TBC1D10A: variants seen among roughly 807,000 people sequenced by gnomAD.
TBC1D10A encodes TBC1 domain family member 10A.
In TBC1D10A, 24 loss-of-function variants were observed where a neutral mutation model predicts 52.9. The observed-to-expected ratio is 0.45, with a 90% confidence interval of 0.33 to 0.64. The LOEUF is 0.64. TBC1D10A is among the 30% of genes least tolerant of loss of function. The pLI is 0.02. For missense variants in TBC1D10A, 602 were observed against 687.9 expected, an observed-to-expected ratio of 0.88 and a Z score of 1.40; for synonymous variants, 278 against 282.9, an observed-to-expected ratio of 0.98 and a Z score of 0.17.
chr22:30,292,650 G>C lies in TBC1D10A; in HGVS notation c.1252C>G (p.Leu418Val). 3.1e-6 allele frequency: 5 copies of C among 1,611,194 alleles called. No individual in the cohort carries two copies. The highest frequency in any genetic ancestry group is 4.2e-6 in the Non-Finnish European group (5 of 1,178,668). Reference sequence around the variant, plus strand: ...TTGGGCTTGGCTTTGGAGCCAGGGAGGGGGGCATCTAGGGGCAGGCGGATG... The same window carrying C: ...TTGGGCTTGGCTTTGGAGCCAGGGACGGGGGCATCTAGGGGCAGGCGGATG... ...PSIRLPLDAP[L>V]PGSKAKPKPP... is the part of the protein sequence containing the mutation. Residue 418 changes from leucine to valine, a missense_variant, in exon 9 of 9, where the codon CTC (leucine) becomes GTC (valine). Coordinates refer to ENST00000215790, the MANE Select transcript of TBC1D10A (RefSeq NM_031937.3).
At chr22:30,307,000 T>G (rs1930322591) in intron 1 of TBC1D10A, among the ~76,000 whole-genome samples, 1 of 152,362 alleles carries the variant, frequency 6.6e-6, no homozygotes, top group African/African-American at 2.4e-5. Context: ...CTTTCTACAT[T>G]AGGCAAGTCC....
chr22:30,316,501 G>A (rs1198761482), intron 1 of TBC1D10A, among the ~76,000 whole-genome samples: 4 of 151,002 alleles, frequency 2.6e-5, no homozygotes, highest in Non-Finnish European at 5.9e-5. Flanking sequence ...TGCCCAGGCT[G>A]GAGTGCAGTA....
At chr22:30,306,658 T>C (rs751335512) in intron 1 of TBC1D10A, among the ~76,000 whole-genome samples, 30 of 152,266 alleles carry the variant, frequency 2.0e-4, no homozygotes, top group Non-Finnish European at 4.3e-4. Flanking sequence ...TGCATGTCAA[T>C]TGAAAGATCT....
At chr22:30,314,593 TGAGGCCAGGAGTTTGA>T (rs1000012631) in intron 1 of TBC1D10A, among the ~76,000 whole-genome samples, 129 of 152,160 alleles carry the variant, frequency 8.5e-4, no homozygotes, top group African/African-American at 2.9e-3. Context: ...GAGGATTGCT[TGAGGCCAGGAGTTTGA>T]GACCAGCCTG....
At chr22:30,295,080 T>A (rs763258968) in intron 4 of TBC1D10A, 25 bp from the exon 5 acceptor site, 1 of 1,609,502 alleles carries the variant, frequency 6.2e-7, no homozygotes, top group South Asian at 1.1e-5. Flanking sequence ...GGCAGAGCAG[T>A]GATGACCGGG....
In TBC1D10A at chr22:30,292,114, G is replaced by A. The variant is rs1929955248; in HGVS notation, c.*261C>T. 2.9e-5 allele frequency: 12 copies of A among 409,324 alleles called. No individual in the cohort carries two copies. Among genetic ancestry groups the A allele is most frequent in the Non-Finnish European group, 5.2e-5 (12 of 230,708 alleles). The allele number at this position is 409,324 out of a possible 1,614,324, so 25.4% of individuals were successfully genotyped here. A position where few individuals can be genotyped will look rare whatever the true frequency, so the allele number is the denominator to read the frequency against. Reference sequence around the variant, plus strand: ...GAGCATCCCCCAGGAGGAGGGGGCTGAAGGAGGCCCCACCCCCCAGGCCCT... The same window carrying A: ...GAGCATCCCCCAGGAGGAGGGGGCTAAAGGAGGCCCCACCCCCCAGGCCCT... On this transcript the variant is annotated 3_prime_UTR_variant, in exon 9 of 9. Coordinates refer to ENST00000215790, the MANE Select transcript of TBC1D10A (RefSeq NM_031937.3).
Position 30,299,457 on chromosome 22 carries a change from G to A in TBC1D10A, c.404C>T (p.Pro135Leu). Residue 135 changes from proline (P) to leucine (L), a missense_variant, in exon 3 of 9, where the codon CCT (proline) becomes CTT (leucine). By Grantham distance (98) the Pro-to-Leu change is moderately conservative (BLOSUM62 -3). Transcript: ENST00000215790. The stretch of plus-strand genomic sequence containing the variant: ...AGGGAAACTTACGTCAAACTTTCCA[G>A]GGTTCTGCTGTAACTTCACCTTGCC... Reference protein sequence around the residue: ...SGGKVKLQQNPGKFDELDMSP... With the variant: ...SGGKVKLQQNLGKFDELDMSP... 6.2e-7 allele frequency: 1 copy of A among 1,614,100 alleles called. No individual in the cohort carries two copies. Among genetic ancestry groups the A allele is most frequent in the Non-Finnish European group, 8.5e-7 (1 of 1,179,952 alleles).
At chr22:30,311,297 C>T (rs1392901120) in intron 1 of TBC1D10A, among the ~76,000 whole-genome samples, 2 of 152,172 alleles carry the variant, frequency 1.3e-5, no homozygotes, top group Non-Finnish European at 2.9e-5. Flanking sequence ...TGAGGCCATC[C>T]CCTCCCCAGA....
At chr22:30,323,985 C>T (rs1191056153) in intron 1 of TBC1D10A, among the ~76,000 whole-genome samples, 1 of 152,102 alleles carries the variant, frequency 6.6e-6, no homozygotes, top group Non-Finnish European at 1.5e-5. Flanking sequence ...AAAAAAGATC[C>T]CTTACAGTGC....
chr22:30,294,818 G>A lies in TBC1D10A; in HGVS notation c.683C>T (p.Pro228Leu). The A allele has an allele frequency of 1.2e-6, 2 of 1,614,140 alleles. No homozygotes were observed. The highest frequency in any genetic ancestry group is 1.7e-6 in the Non-Finnish European group (2 of 1,180,032). Reference protein sequence around the residue: ...CLVQICEKYLPGYYSEKLEAI... With the variant: ...CLVQICEKYLLGYYSEKLEAI... ...CACCAGTTTCTCGCTGTAGTAGCCG[G>A]GCAGGTACTTCTCACAGATCTGTAC... The change falls in exon 6 of 9, where the codon CCC (proline) becomes CTC (leucine). Residue 228 changes from proline to leucine, a missense_variant. Physicochemically the swap from Pro to Leu is moderately conservative, Grantham distance 98 (BLOSUM62 -3). Transcript: ENST00000215790.
At chr22:30,315,167 A>C (rs1385277465) in intron 1 of TBC1D10A, among the ~76,000 whole-genome samples, 1 of 152,160 alleles carries the variant, frequency 6.6e-6, no homozygotes, top group Non-Finnish European at 1.5e-5. Flanking sequence ...GCTCCTGCCT[A>C]ACCTCCACGG....
intron 8 of TBC1D10A, 96 bp from the exon 9 acceptor site, chr22:30,292,947 C>A (rs577607862): frequency 7.3e-7 from 1 of 1,375,034 alleles, no homozygotes. Flanking sequence ...CAGCATCCCC[C>A]AGCCTTGGCC....
At position 30,294,938 on chromosome 22, in the gene TBC1D10A, T is replaced by C; in HGVS notation, c.639+3A>G. 1 of 1,613,950 alleles carries C rather than the reference T, an allele frequency of 6.2e-7. No homozygotes were observed. Among genetic ancestry groups the C allele is most frequent in the Non-Finnish European group, 8.5e-7 (1 of 1,179,992 alleles). On this transcript the variant is annotated splice_donor_region_variant and intron_variant, in intron 5 of 8. Coordinates refer to ENST00000215790, the MANE Select transcript of TBC1D10A (RefSeq NM_031937.3). ...CCCCTGCCTGCCCGGGGCCTGGTGG[T>C]ACCTCAGCAGGCATATGCATGAGCA... is the stretch of plus-strand genomic sequence containing the variant.
At chr22:30,300,714 A>G (rs1447580501) in intron 2 of TBC1D10A, 1 of 152,140 alleles carries the variant, frequency 6.6e-6, no homozygotes, top group African/African-American at 2.4e-5. Flanking sequence ...AGCTGCTCAA[A>G]TGGCTCCCTC....
chr22:30,308,727 C>A (rs757682734), intron 1 of TBC1D10A, among the ~76,000 whole-genome samples: 4 of 152,168 alleles, frequency 2.6e-5, no homozygotes, highest in Non-Finnish European at 4.4e-5. Context: ...CTACCACACG[C>A]CCCAGGTGTT....
In TBC1D10A at chr22:30,292,490, G is replaced by C. The variant is rs201271557; in HGVS notation, c.1412C>G (p.Pro471Arg). The change falls in exon 9 of 9, where the codon CCG (proline) becomes CGG (arginine). Residue 471 changes from proline to arginine, a missense_variant. Pro to Arg is a moderately radical substitution (Grantham distance 103). Transcript: ENST00000215790. ...TGAGTCCTTGGGGGCTGAGTCCTTCGGGGGCACATGCTGTGGGGGACATGC... is the reference window on the plus strand; with the variant it reads ...TGAGTCCTTGGGGGCTGAGTCCTTCCGGGGCACATGCTGTGGGGGACATGC... ...GDACPPQHVPPKDSAPKDSAP... is the reference protein window; with the variant it reads ...GDACPPQHVPRKDSAPKDSAP... 5 of 1,607,914 alleles carry C rather than the reference G, an allele frequency of 3.1e-6. No homozygotes were observed.
At chr22:30,307,972 T>A (rs1165749082) in intron 1 of TBC1D10A, 1 of 152,168 alleles carries the variant, frequency 6.6e-6, no homozygotes, top group East Asian at 1.9e-4. Context: ...TTTTTTGCAT[T>A]TTTAGTAGAG....
Position 30,292,294 on chromosome 22 carries a change from G to A in TBC1D10A, c.*81C>T. ...GTGGCCAGGCAGCTTGGCCCTCAGA[G>A]GGTGGGCAGGATGTGGAATGTCAGT... On this transcript the variant is annotated 3_prime_UTR_variant, in exon 9 of 9. Transcript: ENST00000215790. 1 of 1,304,716 alleles carries A rather than the reference G, an allele frequency of 7.7e-7. No homozygotes were observed. Among genetic ancestry groups the A allele is most frequent in the South Asian group, 1.5e-5 (1 of 67,128 alleles). 80.8% of individuals were successfully genotyped at this position (1,304,716 alleles called of 1,614,324 possible). A position where few individuals can be genotyped will look rare whatever the true frequency, so the allele number is the denominator to read the frequency against.
At position 30,295,622 on chromosome 22, in the gene TBC1D10A, AGAGTG is replaced by A. The variant is rs1930061234; in HGVS notation, c.524+110_524+114del. On this transcript the variant is annotated intron_variant, in intron 4 of 8. Coordinates refer to ENST00000215790, the MANE Select transcript of TBC1D10A (RefSeq NM_031937.3). ...TCAAACCAAAAAAAGGGAAATGCTA[AGAGTG>A]GAGTTGGGGGCACCGAGCTTCTAAA... 6.2e-6 allele frequency: 6 copies of A among 965,164 alleles called. No individual in the cohort carries two copies. In the Admixed American group the frequency reaches 8.5e-5, roughly 14 times the overall value. The allele number at this position is 965,164 out of a possible 1,614,324, so 59.8% of individuals were successfully genotyped here. A position where few individuals can be genotyped will look rare whatever the true frequency, so the allele number is the denominator to read the frequency against.
Sources: allele counts gnomAD v4.1 joint callset (sites outside exome capture counted in the v4.1 genomes callset), GRCh38; gene constraint gnomAD v4.1.1; transcripts MANE v1.5; gene names NCBI Gene and HGNC (gene_info 2026-07-23, HGNC 2026-07-21).